The following KIAA1328 variants were observed in gnomAD, a reference collection of about 807,000 sequenced individuals.
KIAA1328 encodes KIAA1328, also known as protein hinderin.
Under a neutral mutation model 68.1 loss-of-function variants are expected in KIAA1328, and 52 were observed. The ratio of observed to expected loss-of-function variants is 0.76; its 90% CI spans 0.61 to 0.96. The LOEUF (loss-of-function observed/expected upper bound fraction) is 0.96, where lower values mean the gene tolerates loss of function less well. KIAA1328 is among the 40% of genes least tolerant of loss of function. The pLI, the probability that KIAA1328 is intolerant of heterozygous loss-of-function variation, is 0.00. For missense variants in KIAA1328, 641 were observed against 677.6 expected, an observed-to-expected ratio of 0.95 and a Z score of 0.60; for synonymous variants, 232 against 239.4, an observed-to-expected ratio of 0.97 and a Z score of 0.28.
At chr18:37,143,765 G>C (rs913877181) in intron 7 of KIAA1328, among the ~76,000 whole-genome samples, 1 of 151,106 alleles carries the variant, frequency 6.6e-6, no homozygotes, top group Non-Finnish European at 1.5e-5. Flanking sequence ...ATGCTTTTTC[G>C]GCATTTATTG....
At chr18:37,204,062 G>A (rs541832702) in intron 9 of KIAA1328, among the ~76,000 whole-genome samples, 22 of 152,176 alleles carry the variant, frequency 1.4e-4, no homozygotes, top group African/African-American at 3.6e-4. Flanking sequence ...TGCCCGCCTC[G>A]GCCTCCCAAA....
chr18:37,091,466 T>G (rs1205607324), intron 7 of KIAA1328, among the ~76,000 whole-genome samples: 1 of 152,162 alleles, frequency 6.6e-6, no homozygotes, highest in Non-Finnish European at 1.5e-5. Flanking sequence ...CGTGGACTCC[T>G]GCAATTCTAG....
rs1382902881 is a variant in KIAA1328, at chr18:36,891,843, CA to C, written c.448+6174del. 4.6e-5 allele frequency among the ~76,000 whole-genome samples: 7 copies of C among 152,206 alleles called. No homozygotes were observed. In the East Asian group the frequency reaches 1.3e-3, roughly 29 times the overall value. ...ATACCCAGTAGTGGGATTGCTGGAT[CA>C]AATATTCATTTACATTAGTAATATT... is the stretch of plus-strand genomic sequence containing the variant. On this transcript the variant is annotated intron_variant, in intron 5 of 9. Transcript: ENST00000280020.
chr18:36,927,579 T>C (rs2050163580), intron 5 of KIAA1328, among the ~76,000 whole-genome samples: 2 of 151,854 alleles, frequency 1.3e-5, no homozygotes. Context: ...AAACTTCATC[T>C]CTACAAAAAA....
chr18:37,218,878 T>C (rs1277637150), intron 9 of KIAA1328, among the ~76,000 whole-genome samples: 1 of 152,240 alleles, frequency 6.6e-6, no homozygotes, highest in Non-Finnish European at 1.5e-5. Flanking sequence ...CTGTGATCCT[T>C]TGGAGAAGAG....
At chr18:37,098,899 T>G (rs551085961) in intron 7 of KIAA1328, among the ~76,000 whole-genome samples, 7 of 152,344 alleles carry the variant, frequency 4.6e-5, no homozygotes, top group Admixed American at 6.5e-5. Flanking sequence ...TAGTTTGTAT[T>G]TCTGTGGGAT....
rs559715443 is a variant in KIAA1328 at position 37,047,268 on chromosome 18, A to G, written c.577-19622A>G. Among the ~76,000 whole-genome samples, 11 of 152,284 alleles carry G rather than the reference A, an allele frequency of 7.2e-5. No homozygotes were observed. The East Asian group carries it at 1.9e-3, about 27-fold the overall frequency. On this transcript the variant is annotated intron_variant, in intron 6 of 9. Coordinates refer to ENST00000280020, the MANE Select transcript of KIAA1328 (RefSeq NM_020776.3). Reference sequence around the variant, plus strand: ...TAGGCCTTCCTTTTTGTCTTCTACTATCTCTCCATGTAAACTTCGTGTTTT... The same window carrying G: ...TAGGCCTTCCTTTTTGTCTTCTACTGTCTCTCCATGTAAACTTCGTGTTTT...
At chr18:36,994,969 T>A (rs185212237) in intron 6 of KIAA1328, among the ~76,000 whole-genome samples, 326 of 131,416 alleles carry the variant, frequency 2.5e-3, no homozygotes, top group African/African-American at 8.0e-3. Context: ...TTTATTTATT[T>A]ATTATACTTT....
At chr18:36,982,813 A>AAT (rs1412948797) in intron 6 of KIAA1328, among the ~76,000 whole-genome samples, 4 of 151,998 alleles carry the variant, frequency 2.6e-5, no homozygotes, top group Non-Finnish European at 5.9e-5. Flanking sequence ...GGTTTTAACA[A>AAT]ATATATATAA....
At chr18:36,989,730 T>C (rs1461380484) in intron 6 of KIAA1328, among the ~76,000 whole-genome samples, 1 of 152,172 alleles carries the variant, frequency 6.6e-6, no homozygotes, top group East Asian at 1.9e-4. Flanking sequence ...AGTCTAGCTC[T>C]GTCGCCCAGG....
rs1381791067 is a variant in KIAA1328 at position 36,835,374 on chromosome 18, C to A, written c.235C>A (p.Gln79Lys). 6.2e-7 allele frequency: 1 copy of A among 1,609,424 alleles called. No homozygotes were observed. Among genetic ancestry groups the A allele is most frequent in the East Asian group, 2.2e-5 (1 of 44,802 alleles). Residue 79 changes from glutamine to lysine, a missense_variant and splice_region_variant, in exon 3 of 10, where the codon CAG becomes AAG. Coordinates refer to ENST00000280020, the MANE Select transcript of KIAA1328 (RefSeq NM_020776.3). ...AGGCACAGGAGATTCAGTAGATGAACAGGTTAGTATTTTTTTCGTCTTTTT... is the reference window on the plus strand; with the variant it reads ...AGGCACAGGAGATTCAGTAGATGAAAAGGTTAGTATTTTTTTCGTCTTTTT... ...LKGTGDSVDE[Q>K]NSCRGEIKSA...
chr18:36,972,495 AG>A (rs1380205318), intron 6 of KIAA1328, among the ~76,000 whole-genome samples: 1 of 152,142 alleles, frequency 6.6e-6, no homozygotes, highest in Non-Finnish European at 1.5e-5. Context: ...ATGTCGGGGG[AG>A]GGGTCTAACC....
chr18:37,209,466 GTA>G (rs909244573), intron 9 of KIAA1328, among the ~76,000 whole-genome samples: 6 of 152,092 alleles, frequency 3.9e-5, no homozygotes, highest in Admixed American at 2.0e-4. Flanking sequence ...TATAATGTGT[GTA>G]TGTGTGTGTG....
chr18:37,193,713 G>T (rs1465520068), intron 9 of KIAA1328: 1 of 666,096 alleles, frequency 1.5e-6, no homozygotes, highest in Non-Finnish European at 2.7e-6. Flanking sequence ...TGTCCAGCTG[G>T]GTTAAATACT....
At chr18:37,058,596 C>T (rs2056018443) in intron 6 of KIAA1328, among the ~76,000 whole-genome samples, 2 of 151,934 alleles carry the variant, frequency 1.3e-5, no homozygotes, top group Non-Finnish European at 2.9e-5. Flanking sequence ...CCTGTAGTCC[C>T]AACTACTTGG....
At chr18:36,893,295 T>G (rs960975384) in intron 5 of KIAA1328, among the ~76,000 whole-genome samples, 1 of 152,030 alleles carries the variant, frequency 6.6e-6, no homozygotes, top group Admixed American at 6.6e-5. Context: ...TTATTTGAGA[T>G]AGAATCTTGC....
At chr18:37,075,482 A>C (rs1330851108) in intron 7 of KIAA1328, 3 of 152,196 alleles carry the variant, frequency 2.0e-5, no homozygotes. Context: ...ACACATAACA[A>C]TATTAACTTT....
At chr18:37,033,968 G>A (rs530380761) in intron 6 of KIAA1328, among the ~76,000 whole-genome samples, 1 of 152,212 alleles carries the variant, frequency 6.6e-6, no homozygotes, top group African/African-American at 2.4e-5. Context: ...CTGGTTTCAG[G>A]CATTGTTCAG....
At chr18:36,857,822 T>TA (rs1254822741) in intron 4 of KIAA1328, among the ~76,000 whole-genome samples, 1 of 152,200 alleles carries the variant, frequency 6.6e-6, no homozygotes, top group Non-Finnish European at 1.5e-5. Context: ...GAAAACTTTT[T>TA]AAAAAATTGG....
Sources: gnomAD v4.1 joint callset for allele counts (sites outside exome capture counted in the v4.1 genomes callset) on GRCh38, gnomAD v4.1.1 for gene constraint, MANE v1.5 for transcripts, NCBI Gene and HGNC (gene_info 2026-07-23, HGNC 2026-07-21) for gene names.